The following ABI2 variants were observed in gnomAD, a reference collection of about 807,000 sequenced individuals.
ABI2 encodes abelson interactor 2.
In ABI2, 25 loss-of-function variants were observed where a neutral mutation model predicts 59.2. That is an observed-to-expected ratio of 0.42 (90% CI 0.31 to 0.59). ABI2 has a LOEUF of 0.59. Among genes scored for constraint, ABI2 ranks in the 20% least tolerant of loss-of-function variants. The pLI is 0.14. For synonymous variants in ABI2, 213 were observed against 235.5 expected, an observed-to-expected ratio of 0.90 and a Z score of 0.87; for missense variants, 545 against 681.8, an observed-to-expected ratio of 0.80 and a Z score of 2.23.
chr2:203,334,256 T>G (rs2075404616), intron 1 of ABI2, among the ~76,000 whole-genome samples: 1 of 152,170 alleles, frequency 6.6e-6, no homozygotes, highest in South Asian at 2.1e-4. Context: ...TACTTTTTCT[T>G]CTTACCTTGG....
rs201209202 is a variant in ABI2 at position 203,331,348 on chromosome 2, C to CTTTTTTTTTTTTTTT, written c.117+2723_117+2737dup. ...TCAGTGATCAAATGGTCAATTTAGC[C>CTTTTTTTTTTTTTTT]TTTTTTTTTTTTTTTTTTTTCTGAG... On this transcript the variant is annotated intron_variant, in intron 1 of 11. Coordinates refer to ENST00000261018, the MANE Select transcript of ABI2 (RefSeq NM_001375670.1). 9.4e-5 allele frequency among the ~76,000 whole-genome samples: 8 copies of CTTTTTTTTTTTTTTT among 85,302 alleles called. 2 individuals are homozygous for CTTTTTTTTTTTTTTT. Among genetic ancestry groups the CTTTTTTTTTTTTTTT allele is most frequent in the African/African-American group, 8.8e-5 (2 of 22,754 alleles). The allele number at this position is 85,302 out of a possible 152,430, so 56.0% of individuals were successfully genotyped here. A position where few individuals can be genotyped will look rare whatever the true frequency, so the allele number is the denominator to read the frequency against.
intron 5 of ABI2, among the ~76,000 whole-genome samples, chr2:203,391,517 G>C (rs1328329671): frequency 6.6e-6 from 1 of 151,444 alleles, no homozygotes; most frequent in East Asian, 1.9e-4. Context: ...AAACTTATAA[G>C]AATATTGAGC....
At chr2:203,338,958 A>T (rs1394941871) in intron 1 of ABI2, among the ~76,000 whole-genome samples, 4 of 5,950 alleles carry the variant, frequency 6.7e-4, no homozygotes, top group African/African-American at 1.9e-3. Context: ...ATATATATAT[A>T]TATAAATATA....
chr2:203,346,927 A>G (rs2083986456), intron 1 of ABI2, among the ~76,000 whole-genome samples: 1 of 152,210 alleles, frequency 6.6e-6, no homozygotes, highest in African/African-American at 2.4e-5. Flanking sequence ...TTCATGTGCT[A>G]TAGTGCATTT....
chr2:203,382,102 T>TC, intron 3 of ABI2, 87 bp from the exon 4 acceptor site: 1 of 1,159,760 alleles, frequency 8.6e-7, no homozygotes, highest in Non-Finnish European at 1.2e-6. Flanking sequence ...TTTCTTTTTT[T>TC]CCTTTCTCTT....
chr2:203,390,901 G>C, intron 4 of ABI2, 145 bp from the exon 5 acceptor site: 1 of 645,494 alleles, frequency 1.5e-6, no homozygotes, highest in East Asian at 2.8e-5. Context: ...GTAGAGTAGA[G>C]ATTGCATATG....
At chr2:203,385,165 C>T in intron 4 of ABI2, among the ~76,000 whole-genome samples, 1 of 32,890 alleles carries the variant, frequency 3.0e-5, no homozygotes, top group Admixed American at 4.4e-4. Flanking sequence ...GACAGTCTTG[C>T]CGTTGCCCAG....
intron 1 of ABI2, among the ~76,000 whole-genome samples, chr2:203,351,395 AATTAT>A (rs2088278719): frequency 6.6e-6 from 1 of 152,184 alleles, no homozygotes; most frequent in Non-Finnish European, 1.5e-5. Flanking sequence ...TTTTGACAGT[AATTAT>A]ATTGAATCTG....
At chr2:203,341,159 C>T (rs2079670386) in intron 1 of ABI2, among the ~76,000 whole-genome samples, 1 of 152,196 alleles carries the variant, frequency 6.6e-6, no homozygotes, top group Non-Finnish European at 1.5e-5. Flanking sequence ...CATACTCCTG[C>T]CCCTTGCTCA....
chr2:203,423,444 G>A (rs1320708096), intron 11 of ABI2, among the ~76,000 whole-genome samples: 1 of 151,776 alleles, frequency 6.6e-6, no homozygotes, highest in Admixed American at 6.6e-5. Flanking sequence ...TTTTTTTTCT[G>A]AGACGGAGTC....
chr2:203,347,723 T>C (rs1385868103), intron 1 of ABI2, among the ~76,000 whole-genome samples: 7 of 152,258 alleles, frequency 4.6e-5, no homozygotes, highest in Non-Finnish European at 1.0e-4. Context: ...GACACATAAC[T>C]TATGACACTT....
chr2:203,335,509 T>G (rs1309750973), intron 1 of ABI2, among the ~76,000 whole-genome samples: 1 of 152,124 alleles, frequency 6.6e-6, no homozygotes, highest in Non-Finnish European at 1.5e-5. Context: ...GCAATTCTCC[T>G]GCCTTGGCTT....
chr2:203,339,624 C>A (rs1349040387), intron 1 of ABI2, among the ~76,000 whole-genome samples: 1 of 151,530 alleles, frequency 6.6e-6, no homozygotes, highest in African/African-American at 2.4e-5. Flanking sequence ...AAACCCAGTT[C>A]TCCCTAAAAT....
chr2:203,375,930 A>G, intron 2 of ABI2: 1 of 585,702 alleles, frequency 1.7e-6, no homozygotes. Flanking sequence ...TTCTGCCCAC[A>G]GGCAATACTG....
At position 203,372,869 on chromosome 2, in the gene ABI2, G is replaced by A. The variant is rs1388282420; in HGVS notation, c.285+5825G>A. ...GGCGCCCTCATATCCCAGACGGGGC[G>A]GCGGGGCAGAGGCGCTCCCCACATC... On this transcript the variant is annotated intron_variant, in intron 2 of 11. Transcript: ENST00000261018. Among the ~76,000 whole-genome samples the A allele has an allele frequency of 3.9e-5, 6 of 151,946 alleles. 1 individual carries two copies. Among genetic ancestry groups the A allele is most frequent in the Non-Finnish European group, 4.4e-5 (3 of 67,982 alleles).
chr2:203,369,564 C>T (rs904407467), intron 2 of ABI2, among the ~76,000 whole-genome samples: 46 of 152,218 alleles, frequency 3.0e-4, no homozygotes, highest in African/African-American at 1.1e-3. Flanking sequence ...TATAAATTGG[C>T]GTTTAATTAA....
At chr2:203,342,108 C>G (rs1051098014) in intron 1 of ABI2, 1 of 407,632 alleles carries the variant, frequency 2.5e-6, no homozygotes, top group South Asian at 1.8e-5. Flanking sequence ...TCTTAGTGTT[C>G]AGTAAATTTT....
At chr2:203,412,872 T>C (rs2097734672) in intron 10 of ABI2, among the ~76,000 whole-genome samples, 1 of 152,196 alleles carries the variant, frequency 6.6e-6, no homozygotes, top group Non-Finnish European at 1.5e-5. Context: ...AGAAAAGGAT[T>C]TAATTACAGT....
intron 10 of ABI2, among the ~76,000 whole-genome samples, chr2:203,411,847 G>T (rs780796180): frequency 5.3e-5 from 8 of 152,120 alleles, no homozygotes; most frequent in Admixed American, 2.0e-4. Flanking sequence ...AATTTCCCTT[G>T]GCCTGTTCAG....
Sources: allele counts gnomAD v4.1 joint callset (sites outside exome capture counted in the v4.1 genomes callset), GRCh38; gene constraint gnomAD v4.1.1; transcripts MANE v1.5; gene names NCBI Gene and HGNC (gene_info 2026-07-23, HGNC 2026-07-21).